The following CYYR1 variants were observed in gnomAD, a reference collection of about 807,000 sequenced individuals.
The protein encoded by CYYR1 is cysteine and tyrosine rich 1.
A neutral mutation model predicts 15.2 loss-of-function variants in CYYR1; 14 were observed. The ratio of observed to expected loss-of-function variants is 0.92; its 90% CI spans 0.61 to 1.44. The LOEUF is 1.44. CYYR1 is among the 40% of genes most tolerant of loss of function. The pLI is 0.00. For synonymous variants in CYYR1, 80 were observed against 77.4 expected, an observed-to-expected ratio of 1.03 and a Z score of -0.18; for missense variants, 228 against 209.5, an observed-to-expected ratio of 1.09 and a Z score of -0.54.
chr21:26,517,283 A>C (rs941862206), intron 2 of CYYR1, among the ~76,000 whole-genome samples: 2 of 152,198 alleles, frequency 1.3e-5, no homozygotes, highest in Non-Finnish European at 2.9e-5. Flanking sequence ...GTCCTTCTGC[A>C]ATCCATTGTT....
intron 3 of CYYR1, among the ~76,000 whole-genome samples, chr21:26,473,245 C>G (rs2065058557): frequency 6.6e-6 from 1 of 152,066 alleles, no homozygotes; most frequent in Non-Finnish European, 1.5e-5. Context: ...TACTCTCCCC[C>G]AAACCCCACT....
chr21:26,493,358 A>G (rs1315041876), intron 2 of CYYR1, among the ~76,000 whole-genome samples: 1 of 152,202 alleles, frequency 6.6e-6, no homozygotes, highest in Non-Finnish European at 1.5e-5. Context: ...AGGCATTCTA[A>G]TTAAAAGACT....
chr21:26,547,944 A>T (rs566343322), intron 2 of CYYR1, among the ~76,000 whole-genome samples: 77 of 152,318 alleles, frequency 5.1e-4, no homozygotes, highest in Non-Finnish European at 9.7e-4. Context: ...GTACCAGCTG[A>T]TGTTCTAAGT....
intron 2 of CYYR1, among the ~76,000 whole-genome samples, chr21:26,486,285 AT>A (rs912239965): frequency 2.6e-5 from 4 of 151,776 alleles, no homozygotes; most frequent in African/African-American, 9.7e-5. Context: ...CCAATCTATC[AT>A]TTTTTTTCTT....
chr21:26,547,023 C>A (rs1455891354), intron 2 of CYYR1, among the ~76,000 whole-genome samples: 1 of 152,134 alleles, frequency 6.6e-6, no homozygotes, highest in Non-Finnish European at 1.5e-5. Context: ...GAGTCAAGAG[C>A]TGAGCAAGGT....
chr21:26,505,582 TG>T (rs529069458), intron 2 of CYYR1, among the ~76,000 whole-genome samples: 19 of 152,248 alleles, frequency 1.2e-4, no homozygotes, highest in Non-Finnish European at 2.2e-4. Flanking sequence ...CCAGAGTGCC[TG>T]GAACATTAAA....
chr21:26,572,777 C>G (rs904805802), intron 1 of CYYR1, 91 bp downstream of exon 1: 1 of 1,487,652 alleles, frequency 6.7e-7, no homozygotes, highest in Non-Finnish European at 9.1e-7. Context: ...GCAAAGGTCC[C>G]GGTCCGTCCA....
At chr21:26,551,373 A>G (rs1035931904) in intron 2 of CYYR1, 1 of 152,638 alleles carries the variant, frequency 6.6e-6, no homozygotes, top group African/African-American at 2.4e-5. Flanking sequence ...TGAGAAATAA[A>G]TTTTGTAAGG....
At chr21:26,484,842 C>A (rs745930809) in intron 2 of CYYR1, among the ~76,000 whole-genome samples, 9 of 152,022 alleles carry the variant, frequency 5.9e-5, no homozygotes, top group Non-Finnish European at 1.2e-4. Flanking sequence ...AGTGCCTGCT[C>A]TTGAGGTCAA....
intron 3 of CYYR1, among the ~76,000 whole-genome samples, 188 bp downstream of exon 3, chr21:26,480,084 A>G (rs2065154455): frequency 6.6e-6 from 1 of 152,158 alleles, no homozygotes. Flanking sequence ...TCAAAAAAAA[A>G]GAATTGGGTT....
intron 2 of CYYR1, among the ~76,000 whole-genome samples, chr21:26,490,362 C>G (rs1414256135): frequency 1.3e-5 from 2 of 151,728 alleles, no homozygotes; most frequent in African/African-American, 4.8e-5. Context: ...ATTCTGGGTA[C>G]TACGATACAA....
chr21:26,567,620 A>G (rs1343642936), intron 1 of CYYR1, among the ~76,000 whole-genome samples: 4 of 152,154 alleles, frequency 2.6e-5, no homozygotes, highest in Admixed American at 2.6e-4. Flanking sequence ...TTTATGTTGT[A>G]CATTTAAGAG....
chr21:26,572,789 C>A, intron 1 of CYYR1, 79 bp downstream of exon 1: 1 of 1,556,302 alleles, frequency 6.4e-7, no homozygotes. Context: ...GTCCGTCCAG[C>A]TCAACCCACG....
At chr21:26,488,220 T>G (rs1279443562) in intron 2 of CYYR1, among the ~76,000 whole-genome samples, 3 of 150,492 alleles carry the variant, frequency 2.0e-5, no homozygotes, top group Non-Finnish European at 4.5e-5. Context: ...TTGACTAAAA[T>G]AAAGACTACA....
intron 2 of CYYR1, among the ~76,000 whole-genome samples, chr21:26,494,239 A>C (rs941288870): frequency 1.3e-5 from 2 of 152,248 alleles, no homozygotes; most frequent in Non-Finnish European, 2.9e-5. Context: ...AAAAAAGATT[A>C]GAAGTGAGTT....
intron 3 of CYYR1, among the ~76,000 whole-genome samples, chr21:26,479,419 G>T (rs1171359937): frequency 5.9e-5 from 9 of 152,022 alleles, no homozygotes; most frequent in Non-Finnish European, 1.3e-4. Context: ...AGAAAGAAAA[G>T]ACATGAGTAT....
chr21:26,533,327 A>G (rs1246142157), intron 2 of CYYR1, among the ~76,000 whole-genome samples: 1 of 151,806 alleles, frequency 6.6e-6, no homozygotes, highest in Non-Finnish European at 1.5e-5. Context: ...GAGGGCTCAC[A>G]ATATGTCATT....
intron 2 of CYYR1, among the ~76,000 whole-genome samples, chr21:26,540,419 C>T (rs1978466626): frequency 6.6e-6 from 1 of 152,060 alleles, no homozygotes; most frequent in Non-Finnish European, 1.5e-5. Flanking sequence ...CTTTTAAAAA[C>T]CAGGGGACAG....
intron 2 of CYYR1, among the ~76,000 whole-genome samples, chr21:26,524,175 T>G (rs1237058265): frequency 6.6e-6 from 1 of 152,210 alleles, no homozygotes; most frequent in Non-Finnish European, 1.5e-5. Context: ...ATGTTGGTAT[T>G]AGAGCTCGAA....
Sources: gnomAD v4.1 joint callset for allele counts (sites outside exome capture counted in the v4.1 genomes callset) on GRCh38, gnomAD v4.1.1 for gene constraint, MANE v1.5 for transcripts, NCBI Gene and HGNC (gene_info 2026-07-23, HGNC 2026-07-21) for gene names.